Variants in TRAPPC12 observed in about 807,000 individuals in gnomAD.
The protein encoded by TRAPPC12 is trafficking protein particle complex subunit 12.
TRAPPC12 carries 61 observed loss-of-function variants against 69.2 expected under a neutral mutation model. The ratio of observed to expected loss-of-function variants is 0.88; its 90% CI spans 0.72 to 1.09. TRAPPC12 has a LOEUF of 1.09. TRAPPC12 is among the 50% of genes least tolerant of loss of function. The pLI is 0.00. For missense variants in TRAPPC12, 1,101 were observed against 1,016.4 expected (o/e 1.08, Z -1.13); for synonymous variants, 469 against 438.9 (o/e 1.07, Z -0.86).
rs567517589 is a variant in TRAPPC12 at position 3,398,498 on chromosome 2, G to A, written c.1048-3279G>A. The stretch of plus-strand genomic sequence containing the variant: ...GGCACCTTTCTGCATTGGCGATGTG[G>A]CAGAAAGCTCAGCGTGTTCTGTGCC... On this transcript the variant is annotated intron_variant, in intron 2 of 11. Transcript: ENST00000324266. Among the ~76,000 whole-genome samples the A allele has an allele frequency of 1.1e-4, 16 of 152,362 alleles. 1 individual carries two copies. Among genetic ancestry groups the A allele is most frequent in the Non-Finnish European group, 4.4e-5 (3 of 68,036 alleles).
At chr2:3,389,695 T>C (rs1038130661) in intron 2 of TRAPPC12, 6 of 471,004 alleles carry the variant, frequency 1.3e-5, no homozygotes, top group African/African-American at 6.0e-5. Flanking sequence ...TACAGTGTTA[T>C]TGCTGTCTTG....
chr2:3,425,677 A>G (rs1663063613), intron 5 of TRAPPC12, among the ~76,000 whole-genome samples: 1 of 152,152 alleles, frequency 6.6e-6, no homozygotes, highest in African/African-American at 2.4e-5. Flanking sequence ...GATTGTCAGC[A>G]TTTGTTGGCT....
intron 5 of TRAPPC12, among the ~76,000 whole-genome samples, chr2:3,435,510 T>C (rs12617226): frequency 0.28 from 41,963 of 152,042 alleles, 5,964 homozygotes; most frequent in East Asian, 0.41. Flanking sequence ...CACAAAAATA[T>C]CCTCCCCACC....
intron 2 of TRAPPC12, 127 bp from the exon 3 acceptor site, chr2:3,401,650 A>G (rs956262506): frequency 9.6e-6 from 5 of 520,204 alleles, no homozygotes; most frequent in Middle Eastern, 3.2e-4. Context: ...TTACGATACT[A>G]TAACCGTTAC....
In TRAPPC12 at chr2:3,380,120, T is replaced by C. The variant is rs138315636; in HGVS notation, c.-5+244T>C. ...ACGTCTGCAGAGGGCTGGAAGCGTC[T>C]CTGCAGCCCGCGGAGTTTGCGGGAA... is the stretch of plus-strand genomic sequence containing the variant. On this transcript the variant is annotated intron_variant, in intron 1 of 11. Coordinates refer to ENST00000324266, the MANE Select transcript of TRAPPC12 (RefSeq NM_016030.6). Among the ~76,000 whole-genome samples, 844 of 152,242 alleles carry C rather than the reference T, an allele frequency of 5.5e-3. 10 individuals are homozygous for C. Among genetic ancestry groups the C allele is most frequent in the African/African-American group, 0.019 (806 of 41,532 alleles).
At chr2:3,424,408 T>G in intron 4 of TRAPPC12, 117 bp from the exon 5 acceptor site, 1 of 862,564 alleles carries the variant, frequency 1.2e-6, no homozygotes, top group South Asian at 1.9e-5. Flanking sequence ...GAAAGTTAGG[T>G]TAGCCCTTAT....
intron 5 of TRAPPC12, among the ~76,000 whole-genome samples, chr2:3,434,280 C>CAGGTTTAA (rs1663627107): frequency 6.6e-6 from 1 of 152,318 alleles, no homozygotes; most frequent in African/African-American, 2.4e-5. Flanking sequence ...TTACCTGGAG[C>CAGGTTTAA]TCACAGATGG....
intron 8 of TRAPPC12, among the ~76,000 whole-genome samples, chr2:3,463,515 A>G (rs1444106868): frequency 6.6e-6 from 1 of 150,920 alleles, no homozygotes; most frequent in African/African-American, 2.4e-5. Context: ...TGCCTAAAGT[A>G]ACTTCCCATC....
At chr2:3,456,761 T>C (rs1050527572) in intron 6 of TRAPPC12, 2 of 247,730 alleles carry the variant, frequency 8.1e-6, no homozygotes, top group Admixed American at 5.2e-5. Flanking sequence ...TGTATTTTTG[T>C]AGAGATGGGG....
chr2:3,409,778 AGGG>A (rs1334749180), intron 3 of TRAPPC12, among the ~76,000 whole-genome samples: 4 of 137,152 alleles, frequency 2.9e-5, no homozygotes, highest in African/African-American at 5.4e-5. Flanking sequence ...AAAAAAAAAA[AGGG>A]GAAGAAATGA....
At chr2:3,435,157 C>T (rs897567237) in intron 5 of TRAPPC12, among the ~76,000 whole-genome samples, 2 of 152,148 alleles carry the variant, frequency 1.3e-5, no homozygotes, top group Non-Finnish European at 2.9e-5. Flanking sequence ...AGATTATAGG[C>T]GCATGCCACC....
At chr2:3,393,036 G>C (rs1467569759) in intron 2 of TRAPPC12, among the ~76,000 whole-genome samples, 1 of 152,102 alleles carries the variant, frequency 6.6e-6, no homozygotes, top group African/African-American at 2.4e-5. Flanking sequence ...CTTGAGCCAT[G>C]GTGTTCAAAG....
At chr2:3,409,041 TC>T in intron 3 of TRAPPC12, among the ~76,000 whole-genome samples, 1 of 152,310 alleles carries the variant, frequency 6.6e-6, no homozygotes, top group East Asian at 1.9e-4. Context: ...GTGATCCTCT[TC>T]CTGAGGCTGC....
intron 9 of TRAPPC12, among the ~76,000 whole-genome samples, chr2:3,470,886 C>T (rs1181832975): frequency 6.6e-6 from 1 of 152,144 alleles, no homozygotes; most frequent in Non-Finnish European, 1.5e-5. Context: ...CAGAGATGAC[C>T]CAGCCGGACA....
chr2:3,414,131 T>G lies in TRAPPC12; in HGVS notation c.1165-7750T>G, dbSNP rs1662209457. On this transcript the variant is annotated intron_variant, in intron 3 of 11. Transcript: ENST00000324266. This position sits in a 1 kb window ranked among gnomAD's most constrained non-coding sequence, Gnocchi z 4.9. ...ACACATTTTTAAGCTATCTAAAATG[T>G]TTTATCATAAATTTAAATGGTTTCA... Among the ~76,000 whole-genome samples, 1 of 152,200 alleles carries G rather than the reference T, an allele frequency of 6.6e-6. No individual in the cohort carries two copies. The highest frequency in any genetic ancestry group is 2.4e-5 in the African/African-American group (1 of 41,444).
At chr2:3,451,772 C>T (rs1202226413) in intron 6 of TRAPPC12, among the ~76,000 whole-genome samples, 1 of 152,206 alleles carries the variant, frequency 6.6e-6, no homozygotes, top group African/African-American at 2.4e-5. Flanking sequence ...AGTTCTCCCA[C>T]CTCAGCTTCC....
Position 3,404,321 on chromosome 2 carries a change from C to CT in TRAPPC12, c.1164+2430dup, listed in dbSNP as rs1661611807. Reference sequence around the variant, plus strand: ...CTAGTGTTCTATTGTCAGCAGATCTCTTGCTTCCTAAGAGAGCCTAAAGGA... The same window carrying CT: ...CTAGTGTTCTATTGTCAGCAGATCTCTTTGCTTCCTAAGAGAGCCTAAAGGA... On this transcript the variant is annotated intron_variant, in intron 3 of 11. Transcript: ENST00000324266. Among the ~76,000 whole-genome samples the CT allele has an allele frequency of 2.0e-5, 3 of 152,178 alleles. 1 individual carries two copies. In the South Asian group the frequency reaches 6.2e-4, roughly 32 times the overall value.
chr2:3,449,975 G>A (rs1664765307), intron 6 of TRAPPC12, among the ~76,000 whole-genome samples: 1 of 152,024 alleles, frequency 6.6e-6, no homozygotes, highest in Admixed American at 6.6e-5. Context: ...CCCCGTGTGT[G>A]TTCAGAATGT....
intron 5 of TRAPPC12, among the ~76,000 whole-genome samples, chr2:3,428,140 C>G (rs1663220974): frequency 6.6e-6 from 1 of 152,108 alleles, no homozygotes; most frequent in Non-Finnish European, 1.5e-5. Context: ...GACATTTTTT[C>G]CTAAGGACGT....
Sources: gnomAD v4.1 joint callset for allele counts (sites outside exome capture counted in the v4.1 genomes callset) on GRCh38, gnomAD v4.1.1 for gene constraint, Gnocchi (gnomAD v3.1) non-coding constraint, MANE v1.5 for transcripts, NCBI Gene and HGNC (gene_info 2026-07-23, HGNC 2026-07-21) for gene names.